The following KLHL20 variants were observed in gnomAD, a reference collection of about 807,000 sequenced individuals.
KLHL20 encodes kelch-like protein 20.
Under a neutral mutation model 69.5 loss-of-function variants are expected in KLHL20, and 29 were observed. That is an observed-to-expected ratio of 0.42 (90% CI 0.31 to 0.57). KLHL20 has a LOEUF of 0.57. Among genes scored for constraint, KLHL20 ranks in the 20% least tolerant of loss-of-function variants. KLHL20 has a pLI of 0.18. For missense variants in KLHL20, 419 were observed against 776.0 expected, an observed-to-expected ratio of 0.54 and a Z score of 5.47; for synonymous variants, 253 against 265.2, an observed-to-expected ratio of 0.95 and a Z score of 0.45.
At chr1:173,750,379 G>A (rs1483173878) in intron 3 of KLHL20, among the ~76,000 whole-genome samples, 5 of 151,756 alleles carry the variant, frequency 3.3e-5, no homozygotes, top group Admixed American at 6.6e-5. Context: ...GTACACCTAC[G>A]GCGTACTGCA....
At chr1:173,770,665 A>G (rs1648028875) in intron 8 of KLHL20, among the ~76,000 whole-genome samples, 1 of 149,956 alleles carries the variant, frequency 6.7e-6, no homozygotes, top group Admixed American at 6.6e-5. Flanking sequence ...GGGCATCAAG[A>G]GCAAAACTCT....
At chr1:173,724,339 T>C (rs1671855806) in intron 2 of KLHL20, among the ~76,000 whole-genome samples, 2 of 152,100 alleles carry the variant, frequency 1.3e-5, no homozygotes, top group South Asian at 4.1e-4. Context: ...ACCACATCTT[T>C]TGTCCTGGTT....
At chr1:173,747,343 G>A (rs576813853) in intron 3 of KLHL20, among the ~76,000 whole-genome samples, 53 of 152,020 alleles carry the variant, frequency 3.5e-4, no homozygotes, top group Non-Finnish European at 5.6e-4. Context: ...GTTGCCTTAT[G>A]CATAATCATA....
intron 7 of KLHL20, among the ~76,000 whole-genome samples, chr1:173,761,059 A>C (rs962999292): frequency 2.6e-5 from 4 of 152,226 alleles, no homozygotes; most frequent in South Asian, 2.1e-4. Flanking sequence ...ATGCAAATGG[A>C]CACCAAAAGC....
intron 10 of KLHL20, among the ~76,000 whole-genome samples, chr1:173,779,272 G>C (rs1375401272): frequency 6.7e-6 from 1 of 150,050 alleles, no homozygotes; most frequent in Non-Finnish European, 1.5e-5. Context: ...AATTTCTTTT[G>C]ATTATTTTTA....
intron 3 of KLHL20, among the ~76,000 whole-genome samples, chr1:173,740,883 TCTC>T (rs1233384758): frequency 1.3e-5 from 2 of 151,986 alleles, no homozygotes; most frequent in Non-Finnish European, 2.9e-5. Context: ...TACCTGGAAA[TCTC>T]CTTCTTTCTA....
At chr1:173,753,169 C>A in intron 4 of KLHL20, 44 bp from the exon 5 acceptor site, 1 of 1,503,070 alleles carries the variant, frequency 6.7e-7, no homozygotes, top group Non-Finnish European at 9.2e-7. Flanking sequence ...TAAGACCTAT[C>A]TCAAAATTAA....
At position 173,727,579 on chromosome 1, in the gene KLHL20, C is replaced by G. The variant is rs551870877; in HGVS notation, c.24-6134C>G. 1.7e-4 allele frequency among the ~76,000 whole-genome samples: 26 copies of G among 152,300 alleles called. No individual in the cohort carries two copies. In the East Asian group the frequency reaches 3.9e-3, roughly 23 times the overall value. On this transcript the variant is annotated intron_variant, in intron 2 of 11. Transcript: ENST00000209884. Reference sequence around the variant, plus strand: ...GGCAGAAACTCTACAAGCCAGAAGACAGTGGGGGCCAATATTCAACATTCT... The same window carrying G: ...GGCAGAAACTCTACAAGCCAGAAGAGAGTGGGGGCCAATATTCAACATTCT...
At chr1:173,722,096 C>T (rs1295774449) in intron 2 of KLHL20, among the ~76,000 whole-genome samples, 1 of 152,042 alleles carries the variant, frequency 6.6e-6, no homozygotes, top group African/African-American at 2.4e-5. Flanking sequence ...ACTTGTCACA[C>T]ATGTCACCAC....
intron 3 of KLHL20, among the ~76,000 whole-genome samples, chr1:173,748,758 C>G (rs1415079768): frequency 6.8e-6 from 1 of 147,248 alleles, no homozygotes; most frequent in Non-Finnish European, 1.5e-5. Flanking sequence ...TTTAAAAAAT[C>G]AGAAAAAAAA....
intron 7 of KLHL20, among the ~76,000 whole-genome samples, chr1:173,760,691 C>T (rs1243793132): frequency 2.0e-5 from 3 of 152,022 alleles, no homozygotes; most frequent in African/African-American, 7.3e-5. Flanking sequence ...ATTACCAAAT[C>T]ACCACTACAA....
chr1:173,766,651 A>AG (rs993679711), intron 8 of KLHL20, among the ~76,000 whole-genome samples: 8 of 151,162 alleles, frequency 5.3e-5, no homozygotes, highest in African/African-American at 1.9e-4. Flanking sequence ...AAGGGGGAAA[A>AG]AAAAAAAAAA....
intron 3 of KLHL20, among the ~76,000 whole-genome samples, chr1:173,739,317 C>T (rs1672685509): frequency 6.6e-6 from 1 of 152,106 alleles, no homozygotes; most frequent in Non-Finnish European, 1.5e-5. Context: ...AGGCAATCTG[C>T]CACCTCAGCC....
chr1:173,756,463 C>T (rs748787389), intron 6 of KLHL20, among the ~76,000 whole-genome samples: 14 of 152,102 alleles, frequency 9.2e-5, no homozygotes, highest in Non-Finnish European at 2.1e-4. Flanking sequence ...CCTAGGAGGT[C>T]AAGGCTGCAG....
intron 2 of KLHL20, among the ~76,000 whole-genome samples, chr1:173,728,318 A>C (rs1277086857): frequency 6.6e-6 from 1 of 152,240 alleles, no homozygotes. Flanking sequence ...CCCACTGTCA[A>C]CATTAGACAG....
intron 3 of KLHL20, among the ~76,000 whole-genome samples, chr1:173,747,281 C>G (rs943924819): frequency 6.6e-6 from 1 of 151,914 alleles, no homozygotes; most frequent in Non-Finnish European, 1.5e-5. Flanking sequence ...GTTAAAGTCT[C>G]TTATTATCAG....
intron 7 of KLHL20, among the ~76,000 whole-genome samples, chr1:173,763,716 C>CA (rs1474250472): frequency 1.3e-5 from 2 of 152,034 alleles, no homozygotes; most frequent in African/African-American, 4.8e-5. Flanking sequence ...CCTCAGCTCT[C>CA]ACCTTATACA....
At chr1:173,756,896 G>C in intron 6 of KLHL20, 80 bp from the exon 7 acceptor site, 1 of 1,359,234 alleles carries the variant, frequency 7.4e-7, no homozygotes. Context: ...TAAGCATTAG[G>C]TCACAGTGAA....
At chr1:173,754,602 A>C (rs956962251) in intron 5 of KLHL20, among the ~76,000 whole-genome samples, 30 of 151,034 alleles carry the variant, frequency 2.0e-4, no homozygotes, top group East Asian at 7.7e-4. Context: ...AAAAAAAAAA[A>C]CACACAGACA....
Sources: allele counts gnomAD v4.1 joint callset (sites outside exome capture counted in the v4.1 genomes callset), GRCh38; gene constraint gnomAD v4.1.1; transcripts MANE v1.5; gene names NCBI Gene and HGNC (gene_info 2026-07-23, HGNC 2026-07-21).